TCP1: variants seen among roughly 807,000 people sequenced by gnomAD.
TCP1 encodes the protein T-complex protein 1 subunit alpha.
In TCP1, 6 loss-of-function variants were observed where a neutral mutation model predicts 54.7. The ratio of observed to expected loss-of-function variants is 0.11; its 90% confidence interval spans 0.06 to 0.22. The LOEUF is 0.22. Ranked by LOEUF, TCP1 falls within the 10% of genes least tolerant of loss-of-function variation. The pLI is 1.00. For synonymous variants in TCP1, 225 were observed against 229.7 expected, an observed-to-expected ratio of 0.98 and a Z score of 0.19; for missense variants, 511 against 678.2, an observed-to-expected ratio of 0.75 and a Z score of 2.74.
chr6:159,778,709 T>G lies in TCP1; in HGVS notation c.*336A>C. On this transcript the variant is annotated 3_prime_UTR_variant, in exon 12 of 12. Transcript: ENST00000321394. Reference sequence around the variant, plus strand: ...CCTTGGGCCACCCTCTTGGAGCATCTGGCTGTCGAATTCTTGTGACCCTGT... The same window carrying G: ...CCTTGGGCCACCCTCTTGGAGCATCGGGCTGTCGAATTCTTGTGACCCTGT... 1 of 1,614,270 alleles carries G rather than the reference T, an allele frequency of 6.2e-7. No homozygotes were observed. The highest frequency in any genetic ancestry group is 8.5e-7 in the Non-Finnish European group (1 of 1,180,044).
In TCP1 at chr6:159,784,683, C is replaced by A. The variant is rs770259736; in HGVS notation, c.653G>T (p.Cys218Phe). Reference sequence around the variant, plus strand: ...AACCTTACCCTGGGATCCCACCACACAGTTGAGTGCATAGCCACTGATGAG... The same window carrying A: ...AACCTTACCCTGGGATCCCACCACAAAGTTGAGTGCATAGCCACTGATGAG... ...SMLISGYALNCVVGSQGMPKR... is the reference protein window; with the variant it reads ...SMLISGYALNFVVGSQGMPKR... Residue 218 changes from cysteine to phenylalanine, a missense_variant, in exon 6 of 12, where the codon TGT becomes TTT. By Grantham distance (205) the Cys-to-Phe change is radical. Around this residue, in one of 5 missense-constraint regions of TCP1, gnomAD observed 305 missense variants for 352.8 expected, o/e 0.86. Transcript: ENST00000321394. 4.3e-6 allele frequency: 7 copies of A among 1,613,810 alleles called. No homozygotes were observed. The highest frequency in any genetic ancestry group is 5.9e-6 in the Non-Finnish European group (7 of 1,179,844).
chr6:159,781,711 G>A (rs1171773115), intron 7 of TCP1, among the ~76,000 whole-genome samples: 2 of 152,212 alleles, frequency 1.3e-5, no homozygotes, highest in East Asian at 3.8e-4. Flanking sequence ...GGCGGAGGTC[G>A]CAGTGAGCCG....
chr6:159,784,114 A>G (rs556796582), intron 6 of TCP1, 47 bp from the exon 7 acceptor site: 14 of 1,584,644 alleles, frequency 8.8e-6, no homozygotes, highest in East Asian at 2.2e-5. Context: ...CCTTAAAAGC[A>G]TAATAAAGAG....
intron 1 of TCP1, 91 bp from the exon 2 acceptor site, chr6:159,788,234 A>T (rs1780745152): frequency 8.4e-7 from 1 of 1,192,134 alleles, no homozygotes. Flanking sequence ...AATGACATCC[A>T]ACAGCCCCCG....
rs772806095 is a variant in TCP1 at position 159,779,010 on chromosome 6, C to G, written c.*35G>C. 1 of 1,595,248 alleles carries G rather than the reference C, an allele frequency of 6.3e-7. No homozygotes were observed. ...CTCAACTCAAGGTACAAGACAATTG[C>G]ATTTAACATTGTTATAAATAAAAGG... On this transcript the variant is annotated 3_prime_UTR_variant, in exon 12 of 12. Transcript: ENST00000321394.
intron 7 of TCP1, among the ~76,000 whole-genome samples, chr6:159,782,079 T>C (rs1780591140): frequency 6.6e-6 from 1 of 152,132 alleles, no homozygotes. Context: ...AACAAGAGTT[T>C]TGGGGGCAGG....
At chr6:159,786,297 T>A (rs1283458446) in intron 3 of TCP1, among the ~76,000 whole-genome samples, 1 of 151,670 alleles carries the variant, frequency 6.6e-6, no homozygotes, top group Admixed American at 6.6e-5. Flanking sequence ...TTTTTATACA[T>A]CATCTTTCCT....
At chr6:159,781,266 TGAAG>T (rs1164702078) in intron 7 of TCP1, among the ~76,000 whole-genome samples, 156 bp from the exon 8 acceptor site, 1 of 152,236 alleles carries the variant, frequency 6.6e-6, no homozygotes, top group Non-Finnish European at 1.5e-5. Context: ...ATGGAAAATT[TGAAG>T]GAATTAAAAA....
rs145167971 is a variant in TCP1, at chr6:159,784,007, G to T, written c.731C>A (p.Thr244Lys). 5.1e-5 allele frequency: 83 copies of T among 1,613,242 alleles called. No homozygotes were observed. The highest frequency in any genetic ancestry group is 5.5e-5 in the Non-Finnish European group (65 of 1,179,918). The change falls in exon 7 of 12, where the codon ACA becomes AAA. Residue 244 changes from threonine (T) to lysine (K), a missense_variant. Physicochemically the swap from Thr to Lys is moderately conservative, Grantham distance 78 (BLOSUM62 -1). This residue lies in a region of TCP1 where 305 missense variants were observed against 352.8 expected (regional missense o/e 0.86). Coordinates refer to ENST00000321394, the MANE Select transcript of TCP1 (RefSeq NM_030752.3). ...IACLDFSLQKTKMKLGVQVVI... is the reference protein window; with the variant it reads ...IACLDFSLQKKKMKLGVQVVI... ...CACCTGTACACCAAGCTTCATTTTT[G>T]TTTTTTGCAGGCTGAAGTCAAGGCA...
intron 7 of TCP1, among the ~76,000 whole-genome samples, chr6:159,783,229 G>A (rs1175249461): frequency 1.3e-5 from 2 of 152,146 alleles, no homozygotes; most frequent in Non-Finnish European, 2.9e-5. Context: ...AACACTTACT[G>A]TAGAGGGACT....
At chr6:159,783,282 A>G (rs545359995) in intron 7 of TCP1, among the ~76,000 whole-genome samples, 65 of 152,322 alleles carry the variant, frequency 4.3e-4, no homozygotes, top group Non-Finnish European at 1.5e-4. Flanking sequence ...TGAGGAAGGA[A>G]GGAAAAAAGA....
At chr6:159,785,670 C>A (rs771420853) in intron 4 of TCP1, 174 bp from the exon 5 acceptor site, 57 of 795,906 alleles carry the variant, frequency 7.2e-5, no homozygotes, top group Admixed American at 2.2e-4. Flanking sequence ...CAAGTTTAAT[C>A]TATCCCATAA....
intron 6 of TCP1, 149 bp downstream of exon 6, chr6:159,784,517 G>T: frequency 2.6e-6 from 2 of 769,676 alleles, no homozygotes; most frequent in Non-Finnish European, 4.1e-6. Flanking sequence ...TATTGGACAG[G>T]CTGCTCTCAA....
rs779935170 is a variant in TCP1 at position 159,778,754 on chromosome 6, G to A, written c.*291C>T. On this transcript the variant is annotated 3_prime_UTR_variant, in exon 12 of 12. Transcript: ENST00000321394. ...CCCTGTTACACACACTGGAGAGAAT[G>A]GGCAGAAGTCGTGGTGTTGCAGCCC... The A allele has an allele frequency of 1.2e-5, 19 of 1,614,106 alleles. No homozygotes were observed. In the South Asian group the frequency reaches 1.2e-4, roughly 10 times the overall value.
intron 8 of TCP1, 113 bp downstream of exon 8, chr6:159,780,822 A>T: frequency 7.4e-7 from 1 of 1,352,948 alleles, no homozygotes; most frequent in Non-Finnish European, 1.0e-6. Context: ...CAAAGCATTA[A>T]GAGAATATAA....
Position 159,789,581 on chromosome 6 carries a change from G to A in TCP1, c.-113C>T. On this transcript the variant is annotated 5_prime_UTR_variant, in exon 1 of 12. Transcript: ENST00000321394. The stretch of plus-strand genomic sequence containing the variant: ...GGCTGCGACGGCGTGGAGCGTACCC[G>A]AGCGATGTCCCAGGAGCTACTGGGT... 6 of 1,327,622 alleles carry A rather than the reference G, an allele frequency of 4.5e-6. No homozygotes were observed. Among genetic ancestry groups the A allele is most frequent in the South Asian group, 1.3e-5 (1 of 79,806 alleles). The allele number at this position is 1,327,622 out of a possible 1,614,324, so 82.2% of individuals were successfully genotyped here. A position where few individuals can be genotyped will look rare whatever the true frequency, so the allele number is the denominator to read the frequency against.
intron 1 of TCP1, 130 bp downstream of exon 1, chr6:159,789,275 G>T: frequency 9.6e-7 from 1 of 1,045,528 alleles, no homozygotes; most frequent in Non-Finnish European, 1.4e-6. Context: ...GGTGGGCTGG[G>T]TCCGGCTGCG....
chr6:159,778,919 T>A lies in TCP1; in HGVS notation c.*126A>T. ...TGAAATCAGAGGACCAAAGTACAGA[T>A]GGAAACCATTTCCTACATCACAAAA... On this transcript the variant is annotated 3_prime_UTR_variant, in exon 12 of 12. Coordinates refer to ENST00000321394, the MANE Select transcript of TCP1 (RefSeq NM_030752.3). 6.3e-7 allele frequency: 1 copy of A among 1,578,552 alleles called. No individual in the cohort carries two copies. Among genetic ancestry groups the A allele is most frequent in the Non-Finnish European group, 8.6e-7 (1 of 1,158,232 alleles).
chr6:159,785,513 G>A lies in TCP1; in HGVS notation c.378-17C>T, dbSNP rs1780674002. ...ACTGCTTCCCTGTTTAAAAGTGTGG[G>A]GGAGAAAAACGCTTATAAAGTCACT... On this transcript the variant is annotated splice_polypyrimidine_tract_variant and intron_variant, in intron 4 of 11. Coordinates refer to ENST00000321394, the MANE Select transcript of TCP1 (RefSeq NM_030752.3). The A allele has an allele frequency of 6.3e-7, 1 of 1,587,980 alleles. No homozygotes were observed. Among genetic ancestry groups the A allele is most frequent in the Admixed American group, 1.7e-5 (1 of 59,966 alleles).
Sources: allele counts gnomAD v4.1 joint callset (sites outside exome capture counted in the v4.1 genomes callset), GRCh38; gene constraint gnomAD v4.1.1; regional missense constraint gnomAD v4.1.1; transcripts MANE v1.5; gene names NCBI Gene and HGNC (gene_info 2026-07-23, HGNC 2026-07-21).